Variants in GARNL3 observed in about 807,000 individuals in gnomAD.
The protein encoded by GARNL3 is GTPase-activating Rap/Ran-GAP domain-like protein 3.
In GARNL3, 63 loss-of-function variants were observed where a neutral mutation model predicts 125.0. The ratio of observed to expected loss-of-function variants is 0.50; its 90% CI spans 0.41 to 0.62. GARNL3 has a LOEUF of 0.62. Ranked by LOEUF, GARNL3 falls within the 20% of genes least tolerant of loss-of-function variation. GARNL3 has a pLI of 0.00. For synonymous variants in GARNL3, 439 were observed against 457.5 expected (o/e 0.96, Z 0.52); for missense variants, 994 against 1,244.0 (o/e 0.80, Z 3.02).
chr9:127,382,317 A>G (rs915931016), intron 22 of GARNL3, among the ~76,000 whole-genome samples: 14 of 152,068 alleles, frequency 9.2e-5, no homozygotes, highest in Non-Finnish European at 1.5e-5. Context: ...AAAAATAATA[A>G]TAATAATAAC....
chr9:127,377,792 CAAAAA>C (rs56965235), intron 22 of GARNL3, among the ~76,000 whole-genome samples: 1 of 67,484 alleles, frequency 1.5e-5, no homozygotes, highest in African/African-American at 5.3e-5. Flanking sequence ...GACTCCGTCT[CAAAAA>C]AAAAAAAAAA....
chr9:127,299,909 G>A (rs2064732035), intron 2 of GARNL3, among the ~76,000 whole-genome samples: 1 of 151,726 alleles, frequency 6.6e-6, no homozygotes, highest in South Asian at 2.1e-4. Context: ...TCACCATATT[G>A]GCCAGGCTGG....
chr9:127,316,331 C>T (rs374946310), intron 4 of GARNL3, among the ~76,000 whole-genome samples: 4 of 152,064 alleles, frequency 2.6e-5, no homozygotes, highest in African/African-American at 9.6e-5. Flanking sequence ...TGCATGGGAC[C>T]AGGAGTTTGA....
chr9:127,268,094 T>G (rs1402656680), intron 1 of GARNL3, among the ~76,000 whole-genome samples: 1 of 152,200 alleles, frequency 6.6e-6, no homozygotes, highest in Non-Finnish European at 1.5e-5. Context: ...TTGAGGGTCA[T>G]CCATGTGTCA....
At position 127,390,714 on chromosome 9, in the gene GARNL3, A is replaced by T; in HGVS notation, c.2817A>T (p.Glu939Asp). ...AATCAAAACCCCGGAAGCGGTTAGA[A>T]GAAAGCCAAGGAGGCCCCAAGCCAG... ...KAKSKPRKRL[E>D]ESQGGPKPGA... The change falls in exon 27 of 28, where the codon GAA becomes GAT. Residue 939 changes from glutamate (E) to aspartate (D), a missense_variant. By Grantham distance (45) the Glu-to-Asp change is conservative. Coordinates refer to ENST00000373387, the MANE Select transcript of GARNL3 (RefSeq NM_032293.5). 6.2e-7 allele frequency: 1 copy of T among 1,614,094 alleles called. No homozygotes were observed. The highest frequency in any genetic ancestry group is 8.5e-7 in the Non-Finnish European group (1 of 1,179,954).
chr9:127,239,505 G>C (rs549195809), intron 1 of GARNL3, among the ~76,000 whole-genome samples: 1 of 152,302 alleles, frequency 6.6e-6, no homozygotes, highest in South Asian at 2.1e-4. Flanking sequence ...AGATCTCAGA[G>C]TTCTAGCATG....
chr9:127,228,010 C>G (rs1284629610), intron 1 of GARNL3, among the ~76,000 whole-genome samples: 1 of 152,090 alleles, frequency 6.6e-6, no homozygotes, highest in Non-Finnish European at 1.5e-5. Context: ...GTTTATTTAC[C>G]CATAATACCA....
At chr9:127,292,291 T>C (rs1341139543) in intron 2 of GARNL3, among the ~76,000 whole-genome samples, 2 of 152,232 alleles carry the variant, frequency 1.3e-5, no homozygotes, top group Non-Finnish European at 2.9e-5. Context: ...AGAATGATGT[T>C]AGCTGACCCA....
intron 1 of GARNL3, among the ~76,000 whole-genome samples, chr9:127,232,407 C>G (rs1237335102): frequency 6.6e-6 from 1 of 152,112 alleles, no homozygotes; most frequent in Non-Finnish European, 1.5e-5. Flanking sequence ...CTCCTGGGCT[C>G]GATGATCCTC....
chr9:127,313,339 C>T (rs1322161951), intron 3 of GARNL3, 102 bp from the exon 4 acceptor site: 3 of 820,292 alleles, frequency 3.7e-6, no homozygotes, highest in Non-Finnish European at 6.5e-6. Context: ...TTATTGTTCC[C>T]TGAGCATGTG....
intron 6 of GARNL3, among the ~76,000 whole-genome samples, chr9:127,321,904 A>G (rs1195502594): frequency 6.6e-6 from 1 of 152,110 alleles, no homozygotes; most frequent in East Asian, 1.9e-4. Context: ...AACATGAACA[A>G]TCTTTGCTTG....
rs939286634 is a variant in GARNL3 at position 127,385,225 on chromosome 9, C to T, written c.2388+80C>T. On this transcript the variant is annotated intron_variant, in intron 24 of 27. Coordinates refer to ENST00000373387, the MANE Select transcript of GARNL3 (RefSeq NM_032293.5). This position sits in a 1 kb window ranked among gnomAD's most constrained non-coding sequence, Gnocchi z 4.1. ...GGATTTCAGGTGAGCACAGAAGCCG[C>T]CTCTTGTCAAGTTAGGCTGATGAAG... 10 of 794,600 alleles carry T rather than the reference C, an allele frequency of 1.3e-5. No homozygotes were observed. Among genetic ancestry groups the T allele is most frequent in the Non-Finnish European group, 1.8e-5 (9 of 501,358 alleles). The allele number at this position is 794,600 out of a possible 1,614,324, so 49.2% of individuals were successfully genotyped here.
intron 1 of GARNL3, among the ~76,000 whole-genome samples, chr9:127,227,366 C>T (rs111229828): frequency 0.016 from 2,494 of 152,114 alleles, 78 homozygotes; most frequent in African/African-American, 0.057. Flanking sequence ...TTTGGGAGGC[C>T]GAGGCGGATG....
chr9:127,309,426 T>A (rs2131455246), intron 2 of GARNL3, among the ~76,000 whole-genome samples: 1 of 152,346 alleles, frequency 6.6e-6, no homozygotes, highest in East Asian at 1.9e-4. Flanking sequence ...TCTCAATGCA[T>A]GTCAGTATTT....
chr9:127,392,570 A>G lies in GARNL3; in HGVS notation c.2871-513A>G, dbSNP rs1316759027. ...TGAGGCCGAGAGTGGGCAGCAGCTGAGCCAGGTGGGCTTTTGCAGGCCAAT... is the reference window on the plus strand; with the variant it reads ...TGAGGCCGAGAGTGGGCAGCAGCTGGGCCAGGTGGGCTTTTGCAGGCCAAT... On this transcript the variant is annotated intron_variant, in intron 27 of 27. Transcript: ENST00000373387. The surrounding 1 kb of genome is among the most constrained non-coding windows in gnomAD (Gnocchi z 5.2). 1.3e-5 allele frequency among the ~76,000 whole-genome samples: 2 copies of G among 152,246 alleles called. No individual in the cohort carries two copies.
At chr9:127,236,774 G>A (rs1382447593) in intron 1 of GARNL3, among the ~76,000 whole-genome samples, 1 of 152,202 alleles carries the variant, frequency 6.6e-6, no homozygotes. Context: ...TGCTTGAGCA[G>A]AAATTCCTAG....
chr9:127,308,233 C>G (rs1457048101), intron 2 of GARNL3, among the ~76,000 whole-genome samples: 1 of 152,136 alleles, frequency 6.6e-6, no homozygotes, highest in Non-Finnish European at 1.5e-5. Flanking sequence ...AAGCTGAGGA[C>G]AAACCTCACT....
At chr9:127,339,805 T>A in intron 13 of GARNL3, 54 bp downstream of exon 13, 1 of 1,039,632 alleles carries the variant, frequency 9.6e-7, no homozygotes, top group Non-Finnish European at 1.5e-6. Context: ...AGAATACATT[T>A]CTTCAGATTC....
chr9:127,342,075 A>G (rs917185203), intron 13 of GARNL3, 144 bp from the exon 14 acceptor site: 2 of 624,776 alleles, frequency 3.2e-6, no homozygotes, highest in Non-Finnish European at 5.7e-6. Context: ...GATTGTTCCA[A>G]GGTACTAAGC....
Sources: gnomAD v4.1 joint callset for allele counts (sites outside exome capture counted in the v4.1 genomes callset) on GRCh38, gnomAD v4.1.1 for gene constraint, Gnocchi (gnomAD v3.1) non-coding constraint, MANE v1.5 for transcripts, NCBI Gene and HGNC (gene_info 2026-07-23, HGNC 2026-07-21) for gene names.